The following TMEM245 variants were observed in gnomAD, a reference collection of about 807,000 sequenced individuals.
TMEM245 encodes the protein transmembrane protein 245.
A neutral mutation model predicts 101.2 loss-of-function variants in TMEM245; 69 were observed. The ratio of observed to expected loss-of-function variants is 0.68; its 90% confidence interval spans 0.56 to 0.83. The LOEUF is 0.83. TMEM245 is among the 40% of genes least tolerant of loss of function. TMEM245 has a pLI of 0.00. For synonymous variants in TMEM245, 537 were observed against 449.8 expected (o/e 1.19, Z -2.45); for missense variants, 1,075 against 1,092.8 (o/e 0.98, Z 0.23).
At chr9:109,082,234 C>T (rs1829686611) in intron 7 of TMEM245, among the ~76,000 whole-genome samples, 1 of 152,066 alleles carries the variant, frequency 6.6e-6, no homozygotes, top group African/African-American at 2.4e-5. Context: ...CTAAAGTGAA[C>T]TCAAAGATAA....
In TMEM245 at chr9:109,119,444, G is replaced by C; in HGVS notation, c.470C>G (p.Pro157Arg). The C allele has an allele frequency of 6.6e-7, 1 of 1,507,316 alleles. No homozygotes were observed. Among genetic ancestry groups the C allele is most frequent in the African/African-American group, 1.4e-5 (1 of 69,128 alleles). 93.4% of individuals were successfully genotyped at this position (1,507,316 alleles called of 1,614,324 possible). A position where few individuals can be genotyped will look rare whatever the true frequency, so the allele number is the denominator to read the frequency against. ...GAGGCAGTAGAGGCCGTACAGGAGC[G>C]GGCCGCCGGCGCCGAGCAGCAGGAG... ...RLLLLLGAGG[P>R]LLYGLYCLGS... The change falls in exon 1 of 18, where the codon CCG becomes CGG. Residue 157 changes from proline (P) to arginine (R), a missense_variant. Coordinates refer to ENST00000374586, the MANE Select transcript of TMEM245 (RefSeq NM_032012.4).
At chr9:109,104,034 G>C (rs1830344612) in intron 3 of TMEM245, among the ~76,000 whole-genome samples, 1 of 151,930 alleles carries the variant, frequency 6.6e-6, no homozygotes, top group Admixed American at 6.6e-5. Context: ...GCAGTGAGCT[G>C]AGATCATGCC....
chr9:109,072,575 C>T (rs1040695033), intron 9 of TMEM245, among the ~76,000 whole-genome samples: 2 of 152,330 alleles, frequency 1.3e-5, no homozygotes, highest in African/African-American at 4.8e-5. Context: ...CTTCTCATTC[C>T]TTTGTCGCCA....
chr9:109,023,729 G>A (rs1056730871), intron 17 of TMEM245, among the ~76,000 whole-genome samples: 12 of 151,918 alleles, frequency 7.9e-5, no homozygotes, highest in African/African-American at 1.2e-4. Context: ...CCAGCTACTC[G>A]GGAGGCTGAG....
intron 14 of TMEM245, among the ~76,000 whole-genome samples, chr9:109,043,369 G>C (rs1828376034): frequency 6.6e-6 from 1 of 152,100 alleles, no homozygotes; most frequent in Admixed American, 6.5e-5. Flanking sequence ...CCTTCCCTTT[G>C]TAACTGCTCA....
chr9:109,043,281 G>T (rs971882304), intron 14 of TMEM245, among the ~76,000 whole-genome samples: 1 of 152,276 alleles, frequency 6.6e-6, no homozygotes, highest in East Asian at 1.9e-4. Context: ...CATCACGATA[G>T]ACGTGGACTT....
At chr9:109,058,303 C>T (rs1303525886) in intron 11 of TMEM245, among the ~76,000 whole-genome samples, 1 of 151,908 alleles carries the variant, frequency 6.6e-6, no homozygotes, top group Non-Finnish European at 1.5e-5. Flanking sequence ...CACGCCCAGC[C>T]CTCATTTTTC....
Position 109,086,407 on chromosome 9 carries a change from GC to G in TMEM245, c.1321-388del, listed in dbSNP as rs141089871. 9.5e-3 allele frequency among the ~76,000 whole-genome samples: 1,439 copies of G among 152,194 alleles called. 8 individuals are homozygous for G. Among genetic ancestry groups the G allele is most frequent in the South Asian group, 0.045 (219 of 4,824 alleles). On this transcript the variant is annotated intron_variant, in intron 6 of 17. Coordinates refer to ENST00000374586, the MANE Select transcript of TMEM245 (RefSeq NM_032012.4). Reference sequence around the variant, plus strand: ...AACTTGCTCCAGTATCACTTCCTCTGCTAACCTTCCCTTTCTCATGACCCTA... The same window carrying G: ...AACTTGCTCCAGTATCACTTCCTCTGTAACCTTCCCTTTCTCATGACCCTA...
intron 1 of TMEM245, among the ~76,000 whole-genome samples, chr9:109,114,857 T>C (rs1433529045): frequency 1.3e-5 from 2 of 152,198 alleles, no homozygotes; most frequent in Non-Finnish European, 2.9e-5. Context: ...AGCTGATTTT[T>C]TTTTTAGGTG....
At position 109,087,769 on chromosome 9, in the gene TMEM245, G is replaced by A. The variant is rs187413737; in HGVS notation, c.1151-427C>T. On this transcript the variant is annotated intron_variant, in intron 5 of 17. Coordinates refer to ENST00000374586, the MANE Select transcript of TMEM245 (RefSeq NM_032012.4). Reference sequence around the variant, plus strand: ...TTGTCAAATATTCTTCTTTTCCTTAGTTGCTCGTTATTTAGTGACCAGAAA... The same window carrying A: ...TTGTCAAATATTCTTCTTTTCCTTAATTGCTCGTTATTTAGTGACCAGAAA... Among the ~76,000 whole-genome samples the A allele has an allele frequency of 2.6e-5, 4 of 152,180 alleles. No homozygotes were observed. The East Asian group carries it at 7.7e-4, about 29-fold the overall frequency.
At chr9:109,073,522 C>A in intron 8 of TMEM245, 84 bp from the exon 9 acceptor site, 1 of 1,092,248 alleles carries the variant, frequency 9.2e-7, no homozygotes, top group Non-Finnish European at 1.3e-6. Context: ...ATTATTGGAA[C>A]AATGCTTTGA....
At chr9:109,094,005 T>C (rs977004889) in intron 3 of TMEM245, among the ~76,000 whole-genome samples, 2 of 152,214 alleles carry the variant, frequency 1.3e-5, no homozygotes, top group Non-Finnish European at 2.9e-5. Context: ...TAATCCACAA[T>C]TGGTGGTCAT....
chr9:109,060,054 T>C (rs1022263725), intron 11 of TMEM245, among the ~76,000 whole-genome samples: 1 of 152,220 alleles, frequency 6.6e-6, no homozygotes, highest in East Asian at 1.9e-4. Flanking sequence ...TATTAGAAAA[T>C]TTAACATTAC....
chr9:109,074,660 C>T (rs552132241), intron 8 of TMEM245, among the ~76,000 whole-genome samples: 2 of 147,804 alleles, frequency 1.4e-5, no homozygotes, highest in Middle Eastern at 3.2e-3. Flanking sequence ...CAAAGACTGA[C>T]GGTATTTTTC....
chr9:109,045,943 T>C (rs1828476644), intron 14 of TMEM245, among the ~76,000 whole-genome samples: 1 of 152,208 alleles, frequency 6.6e-6, no homozygotes, highest in Non-Finnish European at 1.5e-5. Flanking sequence ...ATTTAAATAT[T>C]GTTTATACTC....
intron 7 of TMEM245, among the ~76,000 whole-genome samples, chr9:109,082,230 T>A (rs1440561545): frequency 6.6e-6 from 1 of 152,146 alleles, no homozygotes; most frequent in Non-Finnish European, 1.5e-5. Flanking sequence ...AATGCTAAAG[T>A]GAACTCAAAG....
chr9:109,052,890 C>T (rs1828727790), intron 12 of TMEM245, among the ~76,000 whole-genome samples: 1 of 151,848 alleles, frequency 6.6e-6, no homozygotes, highest in South Asian at 2.1e-4. Flanking sequence ...ACTAAATACA[C>T]TAATTTTAGA....
intron 17 of TMEM245, among the ~76,000 whole-genome samples, chr9:109,030,875 A>AT (rs1827924842): frequency 6.6e-6 from 1 of 152,254 alleles, no homozygotes; most frequent in Admixed American, 6.5e-5. Flanking sequence ...TTCACAAAAT[A>AT]TAACACTAAA....
intron 9 of TMEM245, 46 bp from the exon 10 acceptor site, chr9:109,064,613 T>C (rs751318634): frequency 1.2e-5 from 18 of 1,522,848 alleles, no homozygotes; most frequent in Non-Finnish European, 1.5e-5. Context: ...ACTTTCTGTG[T>C]AGTGTACCAA....
Sources: allele counts gnomAD v4.1 joint callset (sites outside exome capture counted in the v4.1 genomes callset), GRCh38; gene constraint gnomAD v4.1.1; transcripts MANE v1.5; gene names NCBI Gene and HGNC (gene_info 2026-07-23, HGNC 2026-07-21).